Variants in ERICH1 observed in about 807,000 individuals in gnomAD.
The protein encoded by ERICH1 is glutamate-rich protein 1.
Under a neutral mutation model 39.6 loss-of-function variants are expected in ERICH1, and 56 were observed. The observed-to-expected ratio is 1.41, with a 90% confidence interval of 1.14 to 1.77. The LOEUF is 1.77. ERICH1 is among the 40% of genes most tolerant of loss of function. The pLI, the probability that ERICH1 is intolerant of heterozygous loss-of-function variation, is 0.00. For synonymous variants in ERICH1, 313 were observed against 223.6 expected, an observed-to-expected ratio of 1.40 and a Z score of -3.57; for missense variants, 826 against 575.4, an observed-to-expected ratio of 1.44 and a Z score of -4.45.
At chr8:688,614 T>C (rs1808199975) in intron 3 of ERICH1, among the ~76,000 whole-genome samples, 1 of 152,138 alleles carries the variant, frequency 6.6e-6, no homozygotes, top group Non-Finnish European at 1.5e-5. Context: ...CTCAGTGTAC[T>C]TGCAAAAAGG....
intron 1 of ERICH1, among the ~76,000 whole-genome samples, chr8:716,246 C>G (rs1414952489): frequency 1.3e-5 from 2 of 152,238 alleles, no homozygotes. Flanking sequence ...AGCTGACCCT[C>G]TCTCCAGGGC....
chr8:655,545 C>T (rs950983453), intron 3 of ERICH1, among the ~76,000 whole-genome samples: 1 of 152,128 alleles, frequency 6.6e-6, no homozygotes, highest in Non-Finnish European at 1.5e-5. Context: ...GTTGCTGGGA[C>T]CCAGGGGCCG....
chr8:696,988 A>C (rs1309194601), intron 2 of ERICH1, among the ~76,000 whole-genome samples: 4 of 145,400 alleles, frequency 2.8e-5, no homozygotes, highest in African/African-American at 5.1e-5. Flanking sequence ...TGCTCCTCTT[A>C]CCCTCCACTC....
At chr8:712,804 C>G (rs541008720) in intron 2 of ERICH1, among the ~76,000 whole-genome samples, 1 of 152,306 alleles carries the variant, frequency 6.6e-6, no homozygotes, top group South Asian at 2.1e-4. Flanking sequence ...CCACTATAAT[C>G]CTTTATTAGT....
chr8:702,632 T>C (rs932612515), intron 2 of ERICH1, among the ~76,000 whole-genome samples: 1 of 152,234 alleles, frequency 6.6e-6, no homozygotes, highest in Non-Finnish European at 1.5e-5. Context: ...CGCCACGTGC[T>C]GCAGGATTCA....
intron 3 of ERICH1, among the ~76,000 whole-genome samples, chr8:643,219 C>A (rs889870622): frequency 2.0e-5 from 3 of 152,214 alleles, no homozygotes; most frequent in Non-Finnish European, 2.9e-5. Context: ...GCGATTCCTG[C>A]GAGTTCTCTG....
intron 1 of ERICH1, among the ~76,000 whole-genome samples, chr8:721,447 C>G (rs1339219645): frequency 1.3e-5 from 2 of 152,216 alleles, no homozygotes. Context: ...GGACACGGCG[C>G]CACTTGGGTT....
rs543877976 is a variant in ERICH1 at position 623,663 on chromosome 8, T to TTAAA, written c.977-8383_977-8380dup. On this transcript the variant is annotated intron_variant, in intron 3 of 3. Transcript: ENST00000522706. ...TTTTGTGTGCATGAAGAACAGTCAT[T>TTAAA]TAAATAAATGATGCTGGAACAAGTG... Among the ~76,000 whole-genome samples the TTAAA allele has an allele frequency of 9.1e-4, 139 of 152,258 alleles. 2 individuals are homozygous for TTAAA. Among genetic ancestry groups the TTAAA allele is most frequent in the Middle Eastern group, 6.8e-3 (2 of 294 alleles).
chr8:729,086 C>G (rs1819432641), intron 1 of ERICH1, among the ~76,000 whole-genome samples: 1 of 152,210 alleles, frequency 6.6e-6, no homozygotes, highest in Non-Finnish European at 1.5e-5. Context: ...CAAAGCACAG[C>G]AGAGCTTCAC....
At chr8:647,827 G>C (rs1252394472) in intron 3 of ERICH1, among the ~76,000 whole-genome samples, 1 of 67,506 alleles carries the variant, frequency 1.5e-5, no homozygotes, top group African/African-American at 3.9e-5. Context: ...GGGGAGATGG[G>C]GCCCTGCCCA....
At chr8:686,382 G>A (rs1036751585) in intron 3 of ERICH1, among the ~76,000 whole-genome samples, 9 of 151,692 alleles carry the variant, frequency 5.9e-5, no homozygotes, top group African/African-American at 1.4e-4. Context: ...GAGTAACTAT[G>A]TTTTACGAAA....
In ERICH1 at chr8:664,498, A is replaced by G. The variant is rs1801893326; in HGVS notation, c.*105T>C. ...CAAACACGTGAATAAATAATATGGCATAAATGTCTTTCAAGTTCCCAGAGA... is the reference window on the plus strand; with the variant it reads ...CAAACACGTGAATAAATAATATGGCGTAAATGTCTTTCAAGTTCCCAGAGA... On this transcript the variant is annotated 3_prime_UTR_variant, in exon 6 of 6. Transcript: ENST00000262109. 2 of 1,405,996 alleles carry G rather than the reference A, an allele frequency of 1.4e-6. No individual in the cohort carries two copies. 87.1% of individuals were successfully genotyped at this position (1,405,996 alleles called of 1,614,324 possible).
intron 3 of ERICH1, among the ~76,000 whole-genome samples, chr8:638,960 T>A (rs561223580): frequency 4.8e-4 from 73 of 152,244 alleles, no homozygotes; most frequent in Admixed American, 1.8e-3. Flanking sequence ...AACGCCTATC[T>A]TTCCAGGTAC....
intron 3 of ERICH1, among the ~76,000 whole-genome samples, chr8:687,377 G>T (rs1045514952): frequency 3.3e-5 from 5 of 152,190 alleles, no homozygotes; most frequent in Admixed American, 3.3e-4. Flanking sequence ...TCCACCAGGC[G>T]CCAGGATAAG....
At chr8:641,775 C>T (rs948561022) in intron 3 of ERICH1, among the ~76,000 whole-genome samples, 1 of 152,184 alleles carries the variant, frequency 6.6e-6, no homozygotes, top group Non-Finnish European at 1.5e-5. Flanking sequence ...ATCTCAGATG[C>T]CGCCTTGTCT....
intron 5 of ERICH1, 26 bp downstream of exon 5, chr8:668,572 C>G (rs1226273743): frequency 1.2e-6 from 2 of 1,613,720 alleles, no homozygotes; most frequent in Non-Finnish European, 1.7e-6. Flanking sequence ...TTAAGCAGGA[C>G]CTTGAATAAA....
At position 683,401 on chromosome 8, in the gene ERICH1, G is replaced by A. The variant is rs925614888; in HGVS notation, c.304+9077C>T. On this transcript the variant is annotated intron_variant, in intron 3 of 5. Coordinates refer to ENST00000262109, the MANE Select transcript of ERICH1 (RefSeq NM_207332.3). ...GCCACCAAGGACTGCCTGTGAGACG[G>A]GGAGCACCCCTCCAGGGTCAGCCGT... Among the ~76,000 whole-genome samples, 10 of 152,238 alleles carry A rather than the reference G, an allele frequency of 6.6e-5. 1 individual carries two copies. The highest frequency in any genetic ancestry group is 2.4e-4 in the African/African-American group (10 of 41,468).
chr8:627,538 C>T (rs74415434), intron 3 of ERICH1, among the ~76,000 whole-genome samples: 2,131 of 152,344 alleles, frequency 0.014, 43 homozygotes, highest in African/African-American at 0.042. Context: ...TTTTACAAAG[C>T]GTCAGTGCCT....
At chr8:651,250 G>A (rs568507317) in intron 3 of ERICH1, among the ~76,000 whole-genome samples, 7 of 152,356 alleles carry the variant, frequency 4.6e-5, no homozygotes, top group African/African-American at 1.7e-4. Context: ...GTGGCGCTGG[G>A]CTTAGGCGTC....
Sources: allele counts gnomAD v4.1 joint callset (sites outside exome capture counted in the v4.1 genomes callset), GRCh38; gene constraint gnomAD v4.1.1; transcripts MANE v1.5; gene names NCBI Gene and HGNC (gene_info 2026-07-23, HGNC 2026-07-21).